MBD2: variants seen among roughly 807,000 people sequenced by gnomAD.
The protein encoded by MBD2 is methyl-CpG-binding domain protein 2.
A neutral mutation model predicts 39.3 loss-of-function variants in MBD2; 9 were observed. The observed-to-expected ratio is 0.23, with a 90% confidence interval of 0.14 to 0.40. MBD2 has a LOEUF of 0.40. MBD2 is among the 10% of genes least tolerant of loss of function. The pLI, the probability that MBD2 is intolerant of heterozygous loss-of-function variation, is 1.00. For missense variants in MBD2, 458 were observed against 532.6 expected, an observed-to-expected ratio of 0.86 and a Z score of 1.38; for synonymous variants, 233 against 211.1, an observed-to-expected ratio of 1.10 and a Z score of -0.90.
chr18:54,205,947 A>AACAC (rs1230954152), intron 1 of MBD2, among the ~76,000 whole-genome samples: 1 of 147,514 alleles, frequency 6.8e-6, no homozygotes, highest in Admixed American at 6.8e-5. Flanking sequence ...CCTTGTTTAA[A>AACAC]ACACACACAT....
intron 3 of MBD2, among the ~76,000 whole-genome samples, chr18:54,183,540 G>A (rs372815615): frequency 2.0e-5 from 3 of 152,326 alleles, no homozygotes; most frequent in East Asian, 1.9e-4. Flanking sequence ...ATTGTTTAAC[G>A]TTAAAGCAGG....
At chr18:54,188,243 C>A (rs1340429576) in intron 3 of MBD2, among the ~76,000 whole-genome samples, 1 of 152,120 alleles carries the variant, frequency 6.6e-6, no homozygotes, top group Admixed American at 6.5e-5. Flanking sequence ...GCATTTTGTC[C>A]AGTCTCCCTC....
intron 1 of MBD2, among the ~76,000 whole-genome samples, chr18:54,214,577 A>G (rs762466050): frequency 6.6e-6 from 1 of 152,106 alleles, no homozygotes; most frequent in Non-Finnish European, 1.5e-5. Flanking sequence ...GAATACAACA[A>G]AATACAGTAA....
Position 54,180,890 on chromosome 18 carries a change from A to ATTTTTTTTTTTTTTTTTTTTT in MBD2, c.840+7983_840+7984insAAAAAAAAAAAAAAAAAAAAA, listed in dbSNP as rs1568083459. On this transcript the variant is annotated intron_variant, in intron 3 of 6. Transcript: ENST00000256429. ...GAACCAACAGCCTATGTATTCCTTA[A>ATTTTTTTTTTTTTTTTTTTTT]TTTTTTCTTTTTCTTTTTTTTTTTT... Among the ~76,000 whole-genome samples the ATTTTTTTTTTTTTTTTTTTTT allele has an allele frequency of 7.9e-5, 9 of 114,564 alleles. 1 individual carries two copies. Among genetic ancestry groups the ATTTTTTTTTTTTTTTTTTTTT allele is most frequent in the African/African-American group, 2.6e-4 (7 of 27,130 alleles). The allele number at this position is 114,564 out of a possible 152,430, so 75.2% of individuals were successfully genotyped here. A position where few individuals can be genotyped will look rare whatever the true frequency, so the allele number is the denominator to read the frequency against.
intron 3 of MBD2, among the ~76,000 whole-genome samples, chr18:54,180,390 A>C (rs977178148): frequency 2.0e-5 from 3 of 152,200 alleles, no homozygotes; most frequent in Non-Finnish European, 4.4e-5. Context: ...AAAACAACAA[A>C]GAATTATGAC....
At chr18:54,155,363 A>T (rs186360126) in intron 6 of MBD2, 52 bp from the exon 7 acceptor site, 112 of 152,076 alleles carry the variant, frequency 7.4e-4, no homozygotes, top group African/African-American at 2.6e-3. Flanking sequence ...GTGATTTATC[A>T]GGTGAGAGGT....
At chr18:54,161,021 T>C (rs1286657697) in intron 5 of MBD2, among the ~76,000 whole-genome samples, 1 of 151,838 alleles carries the variant, frequency 6.6e-6, no homozygotes, top group African/African-American at 2.4e-5. Context: ...GGAAGACAGA[T>C]TGCAGCAATT....
chr18:54,175,955 CTTTTT>C (rs1297306479), intron 3 of MBD2, among the ~76,000 whole-genome samples: 1 of 152,164 alleles, frequency 6.6e-6, no homozygotes, highest in Non-Finnish European at 1.5e-5. Context: ...CATTTCTTTT[CTTTTT>C]TCTAATGAAA....
chr18:54,176,280 T>A (rs1161384182), intron 3 of MBD2, among the ~76,000 whole-genome samples: 3 of 152,282 alleles, frequency 2.0e-5, no homozygotes, highest in Non-Finnish European at 4.4e-5. Context: ...TTAAACTCTT[T>A]GCATATATTT....
At chr18:54,202,735 T>C (rs1031742365) in intron 2 of MBD2, 3 of 1,407,882 alleles carry the variant, frequency 2.1e-6, no homozygotes, top group African/African-American at 2.9e-5. Flanking sequence ...TATACACTTC[T>C]AGAATGAGGT....
chr18:54,214,025 A>G (rs1454749509), intron 1 of MBD2, among the ~76,000 whole-genome samples: 1 of 147,606 alleles, frequency 6.8e-6, no homozygotes, highest in East Asian at 1.9e-4. Flanking sequence ...TTTTTTTAAC[A>G]ACAAACATTG....
At chr18:54,220,951 TTAA>T (rs1457382640) in intron 1 of MBD2, among the ~76,000 whole-genome samples, 1 of 152,128 alleles carries the variant, frequency 6.6e-6, no homozygotes. Context: ...CTGTAGACAG[TTAA>T]TAAACAGCAG....
At chr18:54,207,394 CT>C (rs1278838149) in intron 1 of MBD2, among the ~76,000 whole-genome samples, 1 of 152,202 alleles carries the variant, frequency 6.6e-6, no homozygotes, top group Non-Finnish European at 1.5e-5. Flanking sequence ...TCTACTACCA[CT>C]CGAAATTCTA....
chr18:54,184,134 C>A (rs761509786), intron 3 of MBD2, among the ~76,000 whole-genome samples: 12 of 151,448 alleles, frequency 7.9e-5, no homozygotes, highest in Non-Finnish European at 1.3e-4. Context: ...TTCCCCCCAC[C>A]CAAAAAAAAA....
intron 3 of MBD2, among the ~76,000 whole-genome samples, chr18:54,185,601 C>T (rs2086280794): frequency 6.6e-6 from 1 of 152,022 alleles, no homozygotes; most frequent in Admixed American, 6.5e-5. Context: ...GCATTGTTAC[C>T]AGCAAAAATT....
In MBD2 at chr18:54,154,538, T is replaced by A. The variant is rs2086040037; in HGVS notation, c.*786A>T. ...CCTGAAGGGTCCTTGTGTATCTGAC[T>A]CATGCCCAAGGGAAGAAAAAGCCTT... is the stretch of plus-strand genomic sequence containing the variant. On this transcript the variant is annotated 3_prime_UTR_variant, in exon 7 of 7. Transcript: ENST00000256429. 6.6e-6 allele frequency: 1 copy of A among 152,124 alleles called. No individual in the cohort carries two copies. The highest frequency in any genetic ancestry group is 2.4e-5 in the African/African-American group (1 of 41,420). The allele number at this position is 152,124 out of a possible 1,614,324, so 9.4% of individuals were successfully genotyped here.
chr18:54,222,370 A>C (rs375275953), intron 1 of MBD2: 33 of 518,186 alleles, frequency 6.4e-5, no homozygotes, highest in Non-Finnish European at 1.2e-4. Flanking sequence ...CAGCTACCAA[A>C]TCCTGGCCCC....
rs2086031454 is a variant in MBD2, at chr18:54,153,065, G to C, written c.*2259C>G. ...TGTGGAGGGATGGAGAGAGGGAAGGGGAAGAAAGTGGACAGGTGAGCAAAA... is the reference window on the plus strand; with the variant it reads ...TGTGGAGGGATGGAGAGAGGGAAGGCGAAGAAAGTGGACAGGTGAGCAAAA... On this transcript the variant is annotated 3_prime_UTR_variant, in exon 7 of 7. Coordinates refer to ENST00000256429, the MANE Select transcript of MBD2 (RefSeq NM_003927.5). 6.6e-6 allele frequency: 1 copy of C among 152,316 alleles called. No individual in the cohort carries two copies. Among genetic ancestry groups the C allele is most frequent in the African/African-American group, 2.4e-5 (1 of 41,444 alleles). 9.4% of individuals were successfully genotyped at this position (152,316 alleles called of 1,614,324 possible). A position where few individuals can be genotyped will look rare whatever the true frequency, so the allele number is the denominator to read the frequency against.
intron 1 of MBD2, among the ~76,000 whole-genome samples, chr18:54,217,848 G>A (rs1599112891): frequency 6.6e-6 from 1 of 152,152 alleles, no homozygotes; most frequent in African/African-American, 2.4e-5. Context: ...GTGAGACTTT[G>A]CATGTCAGAT....
Sources: gnomAD v4.1 joint callset for allele counts (sites outside exome capture counted in the v4.1 genomes callset) on GRCh38, gnomAD v4.1.1 for gene constraint, MANE v1.5 for transcripts, NCBI Gene and HGNC (gene_info 2026-07-23, HGNC 2026-07-21) for gene names.